BAIAP2L2: variants seen among roughly 807,000 people sequenced by gnomAD.
BAIAP2L2 encodes BAR/IMD domain-containing adapter protein 2-like 2.
A neutral mutation model predicts 60.4 loss-of-function variants in BAIAP2L2; 65 were observed. The ratio of observed to expected loss-of-function variants is 1.08; its 90% CI spans 0.88 to 1.32. BAIAP2L2 has a LOEUF of 1.32. BAIAP2L2 is among the 40% of genes most tolerant of loss of function. The pLI, the probability that BAIAP2L2 is intolerant of heterozygous loss-of-function variation, is 0.00. For missense variants in BAIAP2L2, 836 were observed against 741.2 expected, an observed-to-expected ratio of 1.13 and a Z score of -1.48; for synonymous variants, 344 against 301.7, an observed-to-expected ratio of 1.14 and a Z score of -1.45.
chr22:38,093,414 A>T (rs529024622), intron 7 of BAIAP2L2, among the ~76,000 whole-genome samples: 2 of 152,230 alleles, frequency 1.3e-5, no homozygotes, highest in East Asian at 1.9e-4. Context: ...CACCATGCAT[A>T]GGGGAAAATC....
chr22:38,109,238 G>A, intron 1 of BAIAP2L2, 30 bp from the exon 2 acceptor site: 1 of 1,559,656 alleles, frequency 6.4e-7, no homozygotes, highest in Non-Finnish European at 8.8e-7. Context: ...GAGGAAAAAG[G>A]TGTAGAGATG....
intron 4 of BAIAP2L2, among the ~76,000 whole-genome samples, chr22:38,104,483 G>A (rs905928152): frequency 6.0e-5 from 9 of 151,026 alleles, no homozygotes; most frequent in Non-Finnish European, 1.3e-4. Context: ...GAGGTTCGAA[G>A]AGACTCAAAT....
In BAIAP2L2 at chr22:38,088,957, G is replaced by A; in HGVS notation, c.909C>T (p.Leu303=). The change falls in exon 10 of 14, where the codon CTC becomes CTT. Residue 303 remains leucine, a synonymous_variant. Transcript: ENST00000381669. ...SLPRTPSASS[L]YSGSAQSSRS... ...GCGAGCTTTGGGCGCTGCCGCTGTA[G>A]AGCGAGGCTGTGGGCGGGAGAGCGC... 1 of 1,523,686 alleles carries A rather than the reference G, an allele frequency of 6.6e-7. No homozygotes were observed. The allele number at this position is 1,523,686 out of a possible 1,614,324, so 94.4% of individuals were successfully genotyped here. A position where few individuals can be genotyped will look rare whatever the true frequency, so the allele number is the denominator to read the frequency against.
chr22:38,108,026 C>T (rs2086701814), intron 3 of BAIAP2L2, 113 bp from the exon 4 acceptor site: 4 of 1,240,978 alleles, frequency 3.2e-6, no homozygotes, highest in Middle Eastern at 5.0e-4. Context: ...GATTTTGGGA[C>T]CAAAGTCCGG....
intron 2 of BAIAP2L2, among the ~76,000 whole-genome samples, chr22:38,108,605 G>A (rs956864849): frequency 1.3e-5 from 2 of 152,182 alleles, no homozygotes; most frequent in Non-Finnish European, 2.9e-5. Flanking sequence ...CAGCACTGGT[G>A]GGTAGTGGGG....
At chr22:38,092,251 G>A (rs1207660387) in intron 7 of BAIAP2L2, among the ~76,000 whole-genome samples, 2 of 152,194 alleles carry the variant, frequency 1.3e-5, no homozygotes, top group Non-Finnish European at 2.9e-5. Flanking sequence ...GGCACCTAGA[G>A]TTCTTTAAAT....
At position 38,089,681 on chromosome 22, in the gene BAIAP2L2, G is replaced by T; in HGVS notation, c.613-7C>A. 1 of 1,229,762 alleles carries T rather than the reference G, an allele frequency of 8.1e-7. No homozygotes were observed. The highest frequency in any genetic ancestry group is 1.0e-6 in the Non-Finnish European group (1 of 986,664). 76.2% of individuals were successfully genotyped at this position (1,229,762 alleles called of 1,614,324 possible). On this transcript the variant is annotated splice_polypyrimidine_tract_variant and splice_region_variant and intron_variant, in intron 7 of 13. Coordinates refer to ENST00000381669, the MANE Select transcript of BAIAP2L2 (RefSeq NM_025045.6). Reference sequence around the variant, plus strand: ...TCTGGAGCATCCCCCGGGCCTGGCCGGGCGGGGACACGGGGGTCAGCCAGG... The same window carrying T: ...TCTGGAGCATCCCCCGGGCCTGGCCTGGCGGGGACACGGGGGTCAGCCAGG...
intron 1 of BAIAP2L2, 82 bp from the exon 2 acceptor site, chr22:38,109,290 C>T (rs994698607): frequency 5.2e-6 from 6 of 1,164,008 alleles, no homozygotes; most frequent in East Asian, 4.9e-5. Flanking sequence ...AGTCACCAGG[C>T]GTCAGGGACA....
intron 4 of BAIAP2L2, among the ~76,000 whole-genome samples, chr22:38,106,989 G>A (rs2086678163): frequency 6.6e-6 from 1 of 152,168 alleles, no homozygotes; most frequent in African/African-American, 2.4e-5. Context: ...GGTATCCAGG[G>A]GCAGTAAGTA....
intron 9 of BAIAP2L2, 31 bp downstream of exon 9, chr22:38,089,065 C>A (rs1240802358): frequency 7.2e-7 from 1 of 1,381,386 alleles, no homozygotes; most frequent in Non-Finnish European, 9.3e-7. Flanking sequence ...CTCTCCCGGC[C>A]CTCCTGCCGC....
chr22:38,090,672 T>G (rs1364084716), intron 7 of BAIAP2L2: 1 of 152,184 alleles, frequency 6.6e-6, no homozygotes, highest in African/African-American at 2.4e-5. Context: ...GGGTGGTAGG[T>G]GCAATTATTA....
At chr22:38,093,412 A>G (rs188470399) in intron 7 of BAIAP2L2, among the ~76,000 whole-genome samples, 1 of 152,330 alleles carries the variant, frequency 6.6e-6, no homozygotes, top group Admixed American at 6.5e-5. Context: ...CACACCATGC[A>G]TAGGGGAAAA....
chr22:38,089,157 G>A lies in BAIAP2L2; in HGVS notation c.840C>T (p.Asp280=), dbSNP rs1351736400. 2.2e-6 allele frequency: 3 copies of A among 1,339,620 alleles called. No individual in the cohort carries two copies. Among genetic ancestry groups the A allele is most frequent in the East Asian group, 3.0e-5 (1 of 33,018 alleles). 83.0% of individuals were successfully genotyped at this position (1,339,620 alleles called of 1,614,324 possible). The change falls in exon 9 of 14, where the codon GAC becomes GAT. Residue 280 remains aspartate, a synonymous_variant. Transcript: ENST00000381669. The part of the protein sequence containing the change: ...HGSGSYGTEP[D]ARPASQLEPD... ...GCTCTAGCTGGGACGCGGGCCTCGC[G>A]TCGGGCTCGGTGCCGTAGGAGCCGG...
chr22:38,105,351 T>TG (rs1602029204), intron 4 of BAIAP2L2, among the ~76,000 whole-genome samples: 2 of 149,716 alleles, frequency 1.3e-5, no homozygotes, highest in Non-Finnish European at 3.0e-5. Context: ...TTTTTTTTTT[T>TG]TTTTTTTTGA....
intron 4 of BAIAP2L2, among the ~76,000 whole-genome samples, chr22:38,106,120 T>C (rs1219741358): frequency 1.3e-5 from 2 of 152,074 alleles, no homozygotes; most frequent in Non-Finnish European, 2.9e-5. Context: ...TCCAAGGGGG[T>C]GGCAGGGGCT....
At position 38,089,623 on chromosome 22, in the gene BAIAP2L2, C is replaced by G; in HGVS notation, c.664G>C (p.Ala222Pro). 1 of 1,233,452 alleles carries G rather than the reference C, an allele frequency of 8.1e-7. No individual in the cohort carries two copies. The allele number at this position is 1,233,452 out of a possible 1,614,324, so 76.4% of individuals were successfully genotyped here. Residue 222 changes from alanine (A) to proline (P), a missense_variant, in exon 8 of 14, where the codon GCC becomes CCC. Transcript: ENST00000381669. ...TGGGCGCGCGACGGGCTGCGGCTGGCCTCAGACTGCTCCTTCCACAGCAGC... is the reference window on the plus strand; with the variant it reads ...TGGGCGCGCGACGGGCTGCGGCTGGGCTCAGACTGCTCCTTCCACAGCAGC... Reference protein sequence around the residue: ...RVLLWKEQSEASRSPSRAHSP... With the variant: ...RVLLWKEQSEPSRSPSRAHSP...
rs556656301 is a variant in BAIAP2L2, at chr22:38,108,911, G to A, written c.127+222C>T. ...TGTCTGGAGGCACCTGAAGGAGGGG[G>A]CAATGAGGGGTGCTGGGTGTGGACT... is the stretch of plus-strand genomic sequence containing the variant. On this transcript the variant is annotated intron_variant, in intron 2 of 13. Coordinates refer to ENST00000381669, the MANE Select transcript of BAIAP2L2 (RefSeq NM_025045.6). Among the ~76,000 whole-genome samples the A allele has an allele frequency of 4.9e-4, 75 of 152,172 alleles. 1 individual carries two copies. Among genetic ancestry groups the A allele is most frequent in the Admixed American group, 4.1e-3 (63 of 15,290 alleles).
chr22:38,094,530 G>A (rs1331746443), intron 7 of BAIAP2L2, among the ~76,000 whole-genome samples: 5 of 152,174 alleles, frequency 3.3e-5, no homozygotes, highest in Admixed American at 3.3e-4. Flanking sequence ...AATATTTTAA[G>A]CTTGATAGTG....
chr22:38,093,171 TAAAAA>T (rs1031377260), intron 7 of BAIAP2L2, among the ~76,000 whole-genome samples: 31 of 151,690 alleles, frequency 2.0e-4, no homozygotes, highest in African/African-American at 6.8e-4. Flanking sequence ...CATCTTAAAA[TAAAAA>T]GAAAAAAGAA....
Sources: allele counts gnomAD v4.1 joint callset (sites outside exome capture counted in the v4.1 genomes callset), GRCh38; gene constraint gnomAD v4.1.1; transcripts MANE v1.5; gene names NCBI Gene and HGNC (gene_info 2026-07-23, HGNC 2026-07-21).